RHBDD1: variants seen among roughly 807,000 people sequenced by gnomAD.
The protein encoded by RHBDD1 is rhomboid-related protein 4.
In RHBDD1, 38 loss-of-function variants were observed where a neutral mutation model predicts 36.3. That is an observed-to-expected ratio of 1.05 (90% CI 0.81 to 1.37). RHBDD1 has a LOEUF of 1.37. Ranked by LOEUF, RHBDD1 falls within the 40% of genes most tolerant of loss-of-function variation. RHBDD1 has a pLI of 0.00. For synonymous variants in RHBDD1, 151 were observed against 136.5 expected (o/e 1.11, Z -0.74); for missense variants, 393 against 377.6 (o/e 1.04, Z -0.34).
At chr2:226,891,721 A>T (rs1946704397) in intron 5 of RHBDD1, among the ~76,000 whole-genome samples, 1 of 152,248 alleles carries the variant, frequency 6.6e-6, no homozygotes. Flanking sequence ...TCTTGGTTGG[A>T]AACCCTAGAA....
intron 3 of RHBDD1, among the ~76,000 whole-genome samples, chr2:226,855,997 G>C (rs576634032): frequency 6.6e-6 from 1 of 152,078 alleles, no homozygotes; most frequent in Admixed American, 6.5e-5. Flanking sequence ...TAATGGATTA[G>C]ATAGCCGGAA....
At chr2:226,878,363 G>A (rs1041398627) in intron 5 of RHBDD1, among the ~76,000 whole-genome samples, 6 of 152,186 alleles carry the variant, frequency 3.9e-5, no homozygotes, top group East Asian at 1.9e-4. Context: ...TCAGTCCCAC[G>A]TGTTCTTTTC....
chr2:226,940,209 A>G (rs981290587), intron 8 of RHBDD1, among the ~76,000 whole-genome samples: 7 of 152,190 alleles, frequency 4.6e-5, no homozygotes, highest in Admixed American at 2.6e-4. Flanking sequence ...GGCTGGTGCA[A>G]TACCTCAGGC....
chr2:226,900,047 C>G (rs1050706423), intron 5 of RHBDD1, among the ~76,000 whole-genome samples: 2 of 152,202 alleles, frequency 1.3e-5, no homozygotes, highest in African/African-American at 4.8e-5. Context: ...AATTATTCAC[C>G]TCAATCAAGG....
At chr2:226,843,298 A>C (rs967808725) in intron 3 of RHBDD1, among the ~76,000 whole-genome samples, 6 of 152,208 alleles carry the variant, frequency 3.9e-5, no homozygotes, top group South Asian at 2.1e-4. Context: ...CAGAACTTCC[A>C]ATACTGTGTT....
chr2:226,934,094 G>T (rs1051307031), intron 8 of RHBDD1, among the ~76,000 whole-genome samples: 3 of 152,074 alleles, frequency 2.0e-5, no homozygotes, highest in Non-Finnish European at 4.4e-5. Flanking sequence ...TTATAGTCAT[G>T]CATTACATAA....
intron 5 of RHBDD1, among the ~76,000 whole-genome samples, chr2:226,903,270 A>G (rs984086502): frequency 2.0e-5 from 3 of 152,220 alleles, no homozygotes; most frequent in Non-Finnish European, 4.4e-5. Context: ...ATCCAAAAAC[A>G]TTAAATGGAA....
intron 3 of RHBDD1, among the ~76,000 whole-genome samples, chr2:226,852,894 T>A (rs1033553177): frequency 7.0e-6 from 1 of 143,288 alleles, no homozygotes; most frequent in Non-Finnish European, 1.5e-5. Context: ...CCACTGCACC[T>A]GGCTAATTTA....
intron 8 of RHBDD1, among the ~76,000 whole-genome samples, chr2:226,972,452 C>G (rs1408466116): frequency 1.3e-5 from 2 of 152,124 alleles, no homozygotes; most frequent in Non-Finnish European, 2.9e-5. Flanking sequence ...TGCTATGCCC[C>G]CTGGAAAAAG....
chr2:226,983,322 C>G (rs574145433), intron 8 of RHBDD1, among the ~76,000 whole-genome samples: 1 of 152,182 alleles, frequency 6.6e-6, no homozygotes, highest in South Asian at 2.1e-4. Context: ...TTTAGCCCTT[C>G]GAAGCATGCT....
At position 226,955,123 on chromosome 2, in the gene RHBDD1, G is replaced by T. The variant is rs182644938; in HGVS notation, c.857-40308G>T. ...CAGGGAGGGTCACTTGGCTGAGGGG[G>T]CTGTGAGCTCTTCTTTTGGATGCCC... On this transcript the variant is annotated intron_variant, in intron 8 of 8. Transcript: ENST00000392062. Among the ~76,000 whole-genome samples the T allele has an allele frequency of 1.6e-3, 241 of 152,168 alleles. 1 individual carries two copies. Among genetic ancestry groups the T allele is most frequent in the Admixed American group, 0.01 (160 of 15,282 alleles).
intron 3 of RHBDD1, among the ~76,000 whole-genome samples, chr2:226,849,321 G>A (rs1942550837): frequency 6.6e-6 from 1 of 152,216 alleles, no homozygotes. Flanking sequence ...AGATTCCCTG[G>A]TGACATCCTA....
chr2:226,883,692 G>A (rs373967705), intron 5 of RHBDD1, among the ~76,000 whole-genome samples: 12 of 152,160 alleles, frequency 7.9e-5, no homozygotes, highest in African/African-American at 2.7e-4. Flanking sequence ...TGACAGGTGC[G>A]AGACTTGAGT....
intron 8 of RHBDD1, among the ~76,000 whole-genome samples, chr2:226,929,991 T>C (rs1260782370): frequency 6.6e-6 from 1 of 151,944 alleles, no homozygotes; most frequent in African/African-American, 2.4e-5. Flanking sequence ...TATAAAATAC[T>C]ACTCAAATAA....
At chr2:226,955,985 A>G (rs1951763580) in intron 8 of RHBDD1, among the ~76,000 whole-genome samples, 2 of 152,212 alleles carry the variant, frequency 1.3e-5, no homozygotes, top group African/African-American at 4.8e-5. Flanking sequence ...TGCCAGGGTC[A>G]GTGCTTTACT....
chr2:226,836,843 C>A (rs920821092), intron 1 of RHBDD1, among the ~76,000 whole-genome samples: 1 of 152,124 alleles, frequency 6.6e-6, no homozygotes, highest in Non-Finnish European at 1.5e-5. Context: ...TGAGGTAGTT[C>A]TAATAAACTT....
At chr2:226,818,049 C>T in the RHBDD1 span, among the ~76,000 whole-genome samples, 3 of 151,952 alleles carry the variant, frequency 2.0e-5, no homozygotes, top group Admixed American at 2.0e-4. Context: ...ATTTGGAGGG[C>T]ATTATTTCTC....
chr2:226,948,769 C>T (rs1951207643), intron 8 of RHBDD1, among the ~76,000 whole-genome samples: 1 of 152,038 alleles, frequency 6.6e-6, no homozygotes, highest in Non-Finnish European at 1.5e-5. Flanking sequence ...TCCTGTTCAA[C>T]ATAGTATTGT....
chr2:226,831,203 A>G (rs1390739442), upstream of RHBDD1, among the ~76,000 whole-genome samples: 2 of 152,120 alleles, frequency 1.3e-5, no homozygotes, highest in Non-Finnish European at 2.9e-5. Context: ...TCTTCCTTAA[A>G]TATTTGATGG....
Sources: allele counts gnomAD v4.1 joint callset (sites outside exome capture counted in the v4.1 genomes callset), GRCh38; gene constraint gnomAD v4.1.1; transcripts MANE v1.5; gene names NCBI Gene and HGNC (gene_info 2026-07-23, HGNC 2026-07-21).